Variants in RANBP2 observed in about 807,000 individuals in gnomAD.
The protein encoded by RANBP2 is E3 SUMO-protein ligase RanBP2.
Under a neutral mutation model 303.6 loss-of-function variants are expected in RANBP2, and 57 were observed. That is an observed-to-expected ratio of 0.19 (90% CI 0.15 to 0.23). The LOEUF is 0.23. Among genes scored for constraint, RANBP2 ranks in the 10% least tolerant of loss-of-function variants. RANBP2 has a pLI of 1.00. For synonymous variants in RANBP2, 1,167 were observed against 1,301.5 expected (o/e 0.90, Z 2.23); for missense variants, 3,138 against 3,780.8 (o/e 0.83, Z 4.46).
chr2:109,066,362 C>T, the RANBP2 span, among the ~76,000 whole-genome samples: 14 of 152,192 alleles, frequency 9.2e-5, no homozygotes, highest in African/African-American at 2.9e-4. Context: ...CCACCTCGGC[C>T]TCCCAAAGTG....
At chr2:109,151,500 G>A in the RANBP2 span, among the ~76,000 whole-genome samples, 5 of 152,150 alleles carry the variant, frequency 3.3e-5, no homozygotes, top group African/African-American at 1.2e-4. Context: ...CGTCACAAAT[G>A]GTAAAAAGAA....
chr2:109,355,516 A>C, the RANBP2 span, among the ~76,000 whole-genome samples: 7 of 152,336 alleles, frequency 4.6e-5, no homozygotes, highest in East Asian at 1.3e-3. Flanking sequence ...TGAGTAATTG[A>C]CCTACAACTC....
the RANBP2 span, among the ~76,000 whole-genome samples, chr2:109,608,292 A>C: frequency 6.6e-6 from 1 of 152,200 alleles, no homozygotes; most frequent in East Asian, 1.9e-4. Flanking sequence ...CACTCACAGA[A>C]CATTCAAGGT....
the RANBP2 span, among the ~76,000 whole-genome samples, chr2:109,380,125 T>G: frequency 5.3e-5 from 8 of 152,202 alleles, no homozygotes; most frequent in Admixed American, 3.9e-4. Context: ...CAAGGCGTGA[T>G]CCACACATAC....
At chr2:109,084,709 C>T in the RANBP2 span, among the ~76,000 whole-genome samples, 4 of 152,248 alleles carry the variant, frequency 2.6e-5, no homozygotes, top group Middle Eastern at 3.4e-3. Context: ...ACACAAAGGG[C>T]GTTCCTCATC....
chr2:109,079,938 C>T, the RANBP2 span, among the ~76,000 whole-genome samples: 302 of 152,294 alleles, frequency 2.0e-3, no homozygotes, highest in South Asian at 8.7e-3. Context: ...TGTGAGTCAC[C>T]AAGGACCCTG....
the RANBP2 span, among the ~76,000 whole-genome samples, chr2:109,170,129 G>C: frequency 6.6e-6 from 1 of 152,266 alleles, no homozygotes; most frequent in East Asian, 1.9e-4. Context: ...AGGTGTTTTA[G>C]AGGATTATAA....
At chr2:109,373,669 G>T in the RANBP2 span, among the ~76,000 whole-genome samples, 1 of 152,262 alleles carries the variant, frequency 6.6e-6, no homozygotes, top group East Asian at 1.9e-4. Flanking sequence ...AGGTAAGGAG[G>T]TTCTGGGCTG....
chr2:109,225,530 A>C, the RANBP2 span, among the ~76,000 whole-genome samples: 2 of 152,208 alleles, frequency 1.3e-5, no homozygotes, highest in African/African-American at 4.8e-5. Flanking sequence ...CACCATGTGG[A>C]GTTTTCTCCT....
the RANBP2 span, among the ~76,000 whole-genome samples, chr2:109,268,477 C>A: frequency 4.6e-5 from 7 of 152,276 alleles, no homozygotes; most frequent in African/African-American, 1.7e-4. Context: ...CAGCTCCTTT[C>A]TCCCCTCAGT....
the RANBP2 span, among the ~76,000 whole-genome samples, chr2:108,960,006 T>C: frequency 6.6e-6 from 1 of 152,136 alleles, no homozygotes; most frequent in Non-Finnish European, 1.5e-5. Flanking sequence ...ACTCAGTCAA[T>C]GTCATGATGC....
At chr2:109,695,272 C>T in the RANBP2 span, among the ~76,000 whole-genome samples, 1 of 152,034 alleles carries the variant, frequency 6.6e-6, no homozygotes, top group Non-Finnish European at 1.5e-5. Context: ...ACATGAGATT[C>T]ATCTTGGTGT....
the RANBP2 span, among the ~76,000 whole-genome samples, chr2:109,692,615 C>A: frequency 8.5e-5 from 13 of 152,078 alleles, no homozygotes; most frequent in African/African-American, 3.1e-4. Flanking sequence ...AGCGAGGAAG[C>A]CTGTGGGAGG....
At chr2:109,030,619 G>C in the RANBP2 span, among the ~76,000 whole-genome samples, 1 of 152,296 alleles carries the variant, frequency 6.6e-6, no homozygotes, top group Admixed American at 6.5e-5. Context: ...TAAGCAGAAG[G>C]CTCCTTCTAG....
At chr2:109,039,380 T>C in the RANBP2 span, among the ~76,000 whole-genome samples, 1 of 152,252 alleles carries the variant, frequency 6.6e-6, no homozygotes, top group African/African-American at 2.4e-5. Context: ...AGACGGAGTC[T>C]TGCTCTGTCG....
chr2:109,247,712 C>T, the RANBP2 span, among the ~76,000 whole-genome samples: 1 of 152,166 alleles, frequency 6.6e-6, no homozygotes, highest in Non-Finnish European at 1.5e-5. Flanking sequence ...ATATGTTTTT[C>T]CCTGTATCAG....
the RANBP2 span, among the ~76,000 whole-genome samples, chr2:109,153,809 G>A: frequency 2.0e-5 from 3 of 152,224 alleles, no homozygotes; most frequent in African/African-American, 7.2e-5. Flanking sequence ...CATCTTGCTG[G>A]AGCTGAGATT....
the RANBP2 span, among the ~76,000 whole-genome samples, chr2:108,928,538 T>A: frequency 1.3e-5 from 2 of 152,182 alleles, no homozygotes; most frequent in Non-Finnish European, 2.9e-5. Flanking sequence ...ACTGCTTTTA[T>A]CTTTAGTCTC....
the RANBP2 span, among the ~76,000 whole-genome samples, chr2:109,062,961 G>A: frequency 1.3e-5 from 2 of 152,098 alleles, no homozygotes; most frequent in Non-Finnish European, 2.9e-5. Context: ...ACCCACCCAC[G>A]CTGACCCTGT....
Sources: allele counts gnomAD v4.1 joint callset (sites outside exome capture counted in the v4.1 genomes callset), GRCh38; gene constraint gnomAD v4.1.1; transcripts MANE v1.5; gene names NCBI Gene and HGNC (gene_info 2026-07-23, HGNC 2026-07-21).